The following LGSN variants were observed in gnomAD, a reference collection of about 807,000 sequenced individuals.
LGSN encodes the protein lengsin, lens protein with glutamine synthetase domain, also known as lengsin.
Under a neutral mutation model 19.5 loss-of-function variants are expected in LGSN, and 21 were observed. The ratio of observed to expected loss-of-function variants is 1.07; its 90% CI spans 0.76 to 1.55. LGSN has a LOEUF of 1.55. LGSN is among the 40% of genes most tolerant of loss of function. The pLI, the probability that LGSN is intolerant of heterozygous loss-of-function variation, is 0.00. For synonymous variants in LGSN, 257 were observed against 215.6 expected (o/e 1.19, Z -1.68); for missense variants, 673 against 608.5 (o/e 1.11, Z -1.12).
chr6:63,471,592 G>A, the LGSN span, among the ~76,000 whole-genome samples: 3 of 151,564 alleles, frequency 2.0e-5, no homozygotes, highest in African/African-American at 7.3e-5. Flanking sequence ...TTGAACTGGG[G>A]AGGTGGAGGT....
At chr6:63,528,674 T>C in the LGSN span, among the ~76,000 whole-genome samples, 3 of 152,004 alleles carry the variant, frequency 2.0e-5, no homozygotes, top group Non-Finnish European at 4.4e-5. Flanking sequence ...AGTGGGAGGA[T>C]TACCTGAGCA....
the LGSN span, among the ~76,000 whole-genome samples, chr6:63,553,529 T>C: frequency 6.6e-6 from 1 of 152,216 alleles, no homozygotes; most frequent in African/African-American, 2.4e-5. Flanking sequence ...TGTCATGCAG[T>C]ATAGCTATTT....
intron 1 of LGSN, among the ~76,000 whole-genome samples, chr6:63,302,582 G>C (rs966392635): frequency 2.6e-5 from 4 of 152,106 alleles, no homozygotes; most frequent in African/African-American, 4.8e-5. Flanking sequence ...TGAATACCAA[G>C]GAAATACTTT....
chr6:63,447,328 G>T, the LGSN span, among the ~76,000 whole-genome samples: 1 of 152,102 alleles, frequency 6.6e-6, no homozygotes, highest in Non-Finnish European at 1.5e-5. Context: ...TTTATGTTTG[G>T]AGTCACAGCT....
the LGSN span, among the ~76,000 whole-genome samples, chr6:63,418,659 T>C: frequency 6.6e-6 from 1 of 152,068 alleles, no homozygotes; most frequent in Admixed American, 6.5e-5. Flanking sequence ...CAAGGGGAAA[T>C]ACAGTGATGA....
the LGSN span, among the ~76,000 whole-genome samples, chr6:63,420,099 A>G: frequency 6.6e-6 from 1 of 150,652 alleles, no homozygotes; most frequent in African/African-American, 2.4e-5. Flanking sequence ...GCTACTCTGG[A>G]GGCTGAGGCA....
chr6:63,505,633 G>GAAAGAAATAAATAAATAAATAAAT, the LGSN span, among the ~76,000 whole-genome samples: 15 of 97,220 alleles, frequency 1.5e-4, 1 homozygote, highest in African/African-American at 4.9e-4. Context: ...AAGAAAGAAA[G>GAAAGAAATAAATAAATAAATAAAT]AAATTCTGGC....
At chr6:63,550,975 T>C in the LGSN span, among the ~76,000 whole-genome samples, 2 of 152,124 alleles carry the variant, frequency 1.3e-5, no homozygotes, top group Non-Finnish European at 2.9e-5. Context: ...AATCTAATTG[T>C]ATATACATGA....
the LGSN span, among the ~76,000 whole-genome samples, chr6:63,422,572 A>G: frequency 3.3e-5 from 5 of 152,218 alleles, no homozygotes; most frequent in Non-Finnish European, 7.3e-5. Flanking sequence ...TACCTATAGG[A>G]GTAAACAATT....
At chr6:63,505,589 G>GAAATAAATAAAT in the LGSN span, among the ~76,000 whole-genome samples, 1 of 105,696 alleles carries the variant, frequency 9.5e-6, no homozygotes, top group African/African-American at 3.2e-5. Context: ...AAGAAAGAAA[G>GAAATAAATAAAT]AAAGAAAGAA....
the LGSN span, among the ~76,000 whole-genome samples, chr6:63,337,939 G>A: frequency 2.0e-5 from 3 of 152,086 alleles, no homozygotes; most frequent in Admixed American, 2.0e-4. Context: ...AGGCTGGAGT[G>A]CAGTGGTGCA....
the LGSN span, among the ~76,000 whole-genome samples, chr6:63,491,554 G>A: frequency 6.6e-6 from 1 of 152,158 alleles, no homozygotes; most frequent in Non-Finnish European, 1.5e-5. Flanking sequence ...CAGTTATAAT[G>A]AAATATGAAT....
chr6:63,301,953 G>A (rs1436121425), intron 1 of LGSN, among the ~76,000 whole-genome samples: 1 of 151,912 alleles, frequency 6.6e-6, no homozygotes, highest in Non-Finnish European at 1.5e-5. Context: ...TAAAACCTTT[G>A]GCATATTTGA....
At chr6:63,302,294 A>T (rs192963137) in intron 1 of LGSN, among the ~76,000 whole-genome samples, 12 of 152,330 alleles carry the variant, frequency 7.9e-5, no homozygotes, top group Non-Finnish European at 1.2e-4. Context: ...TTCCTTGTCA[A>T]TTGCATCTTT....
chr6:63,360,115 T>C, the LGSN span, among the ~76,000 whole-genome samples: 2 of 152,220 alleles, frequency 1.3e-5, no homozygotes, highest in Admixed American at 6.5e-5. Context: ...TCATTTCAAC[T>C]TTGGTGAATC....
At position 63,280,656 on chromosome 6, in the gene LGSN, T is replaced by C. The variant is rs1413598200; in HGVS notation, c.895A>G (p.Ile299Val). The change falls in exon 4 of 4, where the codon ATT becomes GTT. Residue 299 changes from isoleucine (I) to valine (V), a missense_variant. Transcript: ENST00000370657. ...CCAGTCTCAATGAAGAAGCTGGCAA[T>C]GTAATTATATTTCCTTGCCACTTCT... ...VKEVARKYNY[I>V]ASFFIETGFC... 3 of 1,613,906 alleles carry C rather than the reference T, an allele frequency of 1.9e-6. No homozygotes were observed. Among genetic ancestry groups the C allele is most frequent in the Non-Finnish European group, 2.5e-6 (3 of 1,180,006 alleles).
chr6:63,542,798 A>G, the LGSN span, among the ~76,000 whole-genome samples: 3 of 151,916 alleles, frequency 2.0e-5, no homozygotes, highest in Non-Finnish European at 4.4e-5. Flanking sequence ...CATCCTTTCC[A>G]TTGCTCTATA....
the LGSN span, among the ~76,000 whole-genome samples, chr6:63,497,655 A>G: frequency 6.6e-6 from 1 of 152,066 alleles, no homozygotes; most frequent in African/African-American, 2.4e-5. Context: ...CAGTTGCGCT[A>G]TTTTTTCCAC....
chr6:63,322,718 C>A (rs541254309), upstream of LGSN, among the ~76,000 whole-genome samples: 18 of 152,276 alleles, frequency 1.2e-4, no homozygotes, highest in Admixed American at 3.3e-4. Context: ...CTTTTCAGTT[C>A]TTCCCAGAAA....
Sources: gnomAD v4.1 joint callset for allele counts (sites outside exome capture counted in the v4.1 genomes callset) on GRCh38, gnomAD v4.1.1 for gene constraint, MANE v1.5 for transcripts, NCBI Gene and HGNC (gene_info 2026-07-23, HGNC 2026-07-21) for gene names.